SHANK2: variants seen among roughly 807,000 people sequenced by gnomAD.
SHANK2 encodes the protein SH3 and multiple ankyrin repeat domains protein 2.
A neutral mutation model predicts 133.7 loss-of-function variants in SHANK2; 43 were observed. The observed-to-expected ratio is 0.32, with a 90% CI of 0.25 to 0.41. SHANK2 has a LOEUF of 0.41. SHANK2 is among the 10% of genes least tolerant of loss of function. The pLI is 1.00. For synonymous variants in SHANK2, 1,017 were observed against 952.8 expected (o/e 1.07, Z -1.24); for missense variants, 1,994 against 2,235.8 (o/e 0.89, Z 2.18).
In SHANK2 at chr11:70,775,763, C is replaced by T. The variant is rs1287376295; in HGVS notation, c.1777+22680G>A. On this transcript the variant is annotated intron_variant, in intron 14 of 25. Coordinates refer to ENST00000601538, the MANE Select transcript of SHANK2 (RefSeq NM_012309.5). ...TTTGAGCAGGAGCCTGCCCTTTACA[C>T]ATCCACTCTACATATGCCTGTCTTA... Among the ~76,000 whole-genome samples, 10 of 152,218 alleles carry T rather than the reference C, an allele frequency of 6.6e-5. No individual in the cohort carries two copies. In the East Asian group the frequency reaches 1.9e-3, roughly 29 times the overall value.
chr11:70,558,936 C>T (rs1049067910), intron 17 of SHANK2, among the ~76,000 whole-genome samples: 7 of 152,310 alleles, frequency 4.6e-5, no homozygotes, highest in African/African-American at 1.2e-4. Flanking sequence ...GAGATGTGCT[C>T]GGGGCAATGT....
intron 17 of SHANK2, chr11:70,604,769 A>C (rs1475165171): frequency 1.3e-5 from 2 of 152,420 alleles, no homozygotes; most frequent in African/African-American, 4.8e-5. Context: ...ATGGCCCCTG[A>C]AGGGGGTCAG....
intron 15 of SHANK2, among the ~76,000 whole-genome samples, chr11:70,687,332 C>T (rs1945177847): frequency 6.6e-6 from 1 of 152,210 alleles, no homozygotes; most frequent in Non-Finnish European, 1.5e-5. Flanking sequence ...CACTTCATTA[C>T]CCTGTGTAAG....
chr11:70,823,021 G>C (rs1283711140), intron 11 of SHANK2, among the ~76,000 whole-genome samples: 2 of 134,520 alleles, frequency 1.5e-5, no homozygotes, highest in African/African-American at 2.9e-5. Context: ...CAGAGTTCAT[G>C]GGGGACAGGT....
intron 17 of SHANK2, among the ~76,000 whole-genome samples, chr11:70,638,970 C>A (rs2061142393): frequency 6.6e-6 from 1 of 151,790 alleles, no homozygotes. Context: ...GCACTCCAGC[C>A]TGGGCAACAA....
chr11:71,144,301 C>T (rs1431186606), intron 3 of SHANK2, among the ~76,000 whole-genome samples: 1 of 152,202 alleles, frequency 6.6e-6, no homozygotes, highest in Non-Finnish European at 1.5e-5. Flanking sequence ...ACCTCCACTG[C>T]GTTTCCCAGC....
At chr11:70,533,562 G>A (rs1373655896) in intron 17 of SHANK2, among the ~76,000 whole-genome samples, 1 of 152,168 alleles carries the variant, frequency 6.6e-6, no homozygotes, top group Non-Finnish European at 1.5e-5. Context: ...CGTTCCCTCT[G>A]CCGCAGCCAT....
chr11:71,064,401 C>T (rs1054734510), intron 9 of SHANK2, among the ~76,000 whole-genome samples: 8 of 152,144 alleles, frequency 5.3e-5, no homozygotes, highest in African/African-American at 1.7e-4. Context: ...AAGTAGAAAC[C>T]GGCAAGGGGC....
intron 2 of SHANK2, among the ~76,000 whole-genome samples, chr11:71,174,357 G>A (rs1555112744): frequency 6.6e-6 from 1 of 151,968 alleles, no homozygotes; most frequent in African/African-American, 2.4e-5. Flanking sequence ...CAGACAACAG[G>A]GCAACGTTGT....
Position 70,786,414 on chromosome 11 carries a change from T to C in SHANK2, c.1777+12029A>G, listed in dbSNP as rs143806396. ...TGCATGGCCAGAGCCTTGGTGGTGC[T>C]GGTGTTCCCAGGTATTACTATCAGG... On this transcript the variant is annotated intron_variant, in intron 14 of 25. Coordinates refer to ENST00000601538, the MANE Select transcript of SHANK2 (RefSeq NM_012309.5). Among the ~76,000 whole-genome samples the C allele has an allele frequency of 3.9e-3, 591 of 152,284 alleles. 1 individual carries two copies. Among genetic ancestry groups the C allele is most frequent in the Non-Finnish European group, 6.5e-3 (442 of 68,010 alleles).
At chr11:71,233,180 A>G (rs1954772361) in intron 1 of SHANK2, among the ~76,000 whole-genome samples, 3 of 152,024 alleles carry the variant, frequency 2.0e-5, no homozygotes, top group African/African-American at 7.2e-5. Context: ...TGTTCACGGC[A>G]GCATACCTCA....
chr11:70,875,820 C>G (rs1180828833), intron 11 of SHANK2, among the ~76,000 whole-genome samples: 1 of 148,728 alleles, frequency 6.7e-6, no homozygotes, highest in Non-Finnish European at 1.5e-5. Flanking sequence ...TGCACTGCTG[C>G]ACACCAGCTG....
intron 17 of SHANK2, among the ~76,000 whole-genome samples, chr11:70,568,647 C>T (rs1175768321): frequency 8.0e-5 from 2 of 25,076 alleles, no homozygotes; most frequent in Admixed American, 3.9e-4. Flanking sequence ...CGGATTCCTG[C>T]CCCCCCCGCC....
At chr11:71,167,540 G>T (rs1365384483) in intron 2 of SHANK2, among the ~76,000 whole-genome samples, 6 of 133,260 alleles carry the variant, frequency 4.5e-5, no homozygotes, top group Admixed American at 1.4e-4. Flanking sequence ...CCGGGCGGGG[G>T]GCTGACCCCC....
chr11:70,827,473 C>A (rs1418057236), intron 11 of SHANK2, among the ~76,000 whole-genome samples: 6 of 151,950 alleles, frequency 3.9e-5, no homozygotes, highest in African/African-American at 1.5e-4. Context: ...ATAAAGCAAA[C>A]ACAGAGAAGT....
intron 11 of SHANK2, among the ~76,000 whole-genome samples, chr11:70,847,795 C>G (rs1949018354): frequency 6.6e-6 from 1 of 152,200 alleles, no homozygotes; most frequent in Admixed American, 6.5e-5. Context: ...TCCTCATCAT[C>G]TGGCTGCAGG....
At chr11:70,557,175 CATTCAT>C (rs1554979840) in intron 17 of SHANK2, among the ~76,000 whole-genome samples, 1 of 152,084 alleles carries the variant, frequency 6.6e-6, no homozygotes. Flanking sequence ...TTCATTCATT[CATTCAT>C]TCATTCACCT....
At chr11:71,185,438 T>C (rs374284638) in intron 2 of SHANK2, among the ~76,000 whole-genome samples, 52 of 152,314 alleles carry the variant, frequency 3.4e-4, no homozygotes, top group African/African-American at 1.2e-3. Context: ...TTCTGAGTAA[T>C]GGCCAGGAAG....
intron 14 of SHANK2, among the ~76,000 whole-genome samples, chr11:70,751,246 A>C (rs1257992800): frequency 6.6e-6 from 1 of 152,230 alleles, no homozygotes; most frequent in Non-Finnish European, 1.5e-5. Context: ...AAATTGCTGA[A>C]GACTAAAAAC....
Sources: allele counts gnomAD v4.1 joint callset (sites outside exome capture counted in the v4.1 genomes callset), GRCh38; gene constraint gnomAD v4.1.1; transcripts MANE v1.5; gene names NCBI Gene and HGNC (gene_info 2026-07-23, HGNC 2026-07-21).